Variants in SIL1 observed in about 807,000 individuals in gnomAD.
SIL1 encodes the protein nucleotide exchange factor SIL1.
Under a neutral mutation model 49.1 loss-of-function variants are expected in SIL1, and 40 were observed. The ratio of observed to expected loss-of-function variants is 0.81; its 90% CI spans 0.63 to 1.06. SIL1 has a LOEUF of 1.06. Ranked by LOEUF, SIL1 falls within the 50% of genes least tolerant of loss-of-function variation. The pLI is 0.00. For missense variants in SIL1, 500 were observed against 572.6 expected, an observed-to-expected ratio of 0.87 and a Z score of 1.29; for synonymous variants, 253 against 250.8, an observed-to-expected ratio of 1.01 and a Z score of -0.08.
chr5:139,171,365 C>T (rs530843535), intron 1 of SIL1, among the ~76,000 whole-genome samples: 1 of 152,176 alleles, frequency 6.6e-6, no homozygotes, highest in Non-Finnish European at 1.5e-5. Context: ...AAGAAAAATT[C>T]TTCTGCCTTG....
intron 1 of SIL1, among the ~76,000 whole-genome samples, chr5:139,142,930 G>C (rs1348120199): frequency 1.3e-5 from 2 of 151,936 alleles, no homozygotes; most frequent in Non-Finnish European, 2.9e-5. Flanking sequence ...CACCACGCCT[G>C]GCTAATTTTT....
At chr5:139,141,135 T>C (rs1234555542) in intron 1 of SIL1, among the ~76,000 whole-genome samples, 1 of 152,162 alleles carries the variant, frequency 6.6e-6, no homozygotes. Context: ...CATAGGCCTA[T>C]AACTAGAATC....
chr5:139,068,967 T>A (rs1406474028), intron 3 of SIL1, among the ~76,000 whole-genome samples: 1 of 152,212 alleles, frequency 6.6e-6, no homozygotes, highest in East Asian at 1.9e-4. Context: ...AAATCAGAAA[T>A]GAGGTGCTAG....
intron 1 of SIL1, among the ~76,000 whole-genome samples, chr5:139,156,673 A>G (rs1751413082): frequency 6.6e-6 from 1 of 152,222 alleles, no homozygotes; most frequent in Non-Finnish European, 1.5e-5. Context: ...GGCCTTGAAG[A>G]CAGGAGTAAT....
At chr5:138,999,296 T>G (rs1767938385) in intron 7 of SIL1, among the ~76,000 whole-genome samples, 1 of 152,214 alleles carries the variant, frequency 6.6e-6, no homozygotes, top group Non-Finnish European at 1.5e-5. Flanking sequence ...TTCCTAGGTA[T>G]TCTTCATAGC....
intron 6 of SIL1, among the ~76,000 whole-genome samples, chr5:139,026,552 G>C (rs770502210): frequency 2.6e-5 from 4 of 152,252 alleles, no homozygotes; most frequent in African/African-American, 9.6e-5. Flanking sequence ...GCAGTGAGCC[G>C]AGATCGCGCC....
chr5:139,113,158 G>A (rs925619678), intron 3 of SIL1, among the ~76,000 whole-genome samples: 36 of 152,028 alleles, frequency 2.4e-4, no homozygotes, highest in Non-Finnish European at 4.6e-4. Context: ...CACAAACACT[G>A]CGGAAGGCCG....
At chr5:139,178,572 C>G (rs1751927394) in intron 1 of SIL1, among the ~76,000 whole-genome samples, 1 of 152,062 alleles carries the variant, frequency 6.6e-6, no homozygotes, top group Admixed American at 6.6e-5. Context: ...TTTGCAAATC[C>G]AGGCCCTCAG....
chr5:138,983,664 A>C (rs948787540), intron 7 of SIL1, among the ~76,000 whole-genome samples: 2 of 151,816 alleles, frequency 1.3e-5, no homozygotes, highest in Non-Finnish European at 2.9e-5. Context: ...CACCCACTCT[A>C]CCCTGCCCGG....
At chr5:139,143,330 C>CATATATATATATATATAT (rs1213045532) in intron 1 of SIL1, among the ~76,000 whole-genome samples, 2 of 95,900 alleles carry the variant, frequency 2.1e-5, no homozygotes, top group African/African-American at 7.6e-5. Flanking sequence ...CACACACACA[C>CATATATATATATATATAT]ACACACACAC....
At chr5:139,166,949 C>A (rs1302745272) in intron 1 of SIL1, among the ~76,000 whole-genome samples, 3 of 152,176 alleles carry the variant, frequency 2.0e-5, no homozygotes, top group Non-Finnish European at 2.9e-5. Context: ...GCTGGGAATA[C>A]AGGCACCCAC....
intron 5 of SIL1, among the ~76,000 whole-genome samples, chr5:139,037,297 C>T (rs1297691854): frequency 6.6e-6 from 1 of 152,110 alleles, no homozygotes; most frequent in Non-Finnish European, 1.5e-5. Context: ...TGTGATGTAT[C>T]TTGGTGTTGA....
intron 1 of SIL1, among the ~76,000 whole-genome samples, chr5:139,181,900 T>TA (rs1219019698): frequency 6.6e-6 from 1 of 152,210 alleles, no homozygotes; most frequent in Non-Finnish European, 1.5e-5. Context: ...AAGGCTTCAC[T>TA]AAAAAATGAT....
chr5:139,048,107 T>C (rs1193025136), intron 4 of SIL1, among the ~76,000 whole-genome samples: 1 of 152,158 alleles, frequency 6.6e-6, no homozygotes, highest in South Asian at 2.1e-4. Flanking sequence ...ATAAAATTCC[T>C]CAGTATTATT....
chr5:139,182,605 C>T (rs907360675), intron 1 of SIL1, among the ~76,000 whole-genome samples: 5 of 152,152 alleles, frequency 3.3e-5, no homozygotes, highest in African/African-American at 1.2e-4. Flanking sequence ...ATCTCCAGTA[C>T]CTGGTGCCTT....
chr5:138,991,620 G>A (rs1353846710), intron 7 of SIL1, among the ~76,000 whole-genome samples: 3 of 152,234 alleles, frequency 2.0e-5, no homozygotes, highest in Non-Finnish European at 2.9e-5. Context: ...AGGGTACAGG[G>A]TCGATATTTC....
chr5:139,095,415 C>G (rs767142831), intron 3 of SIL1, among the ~76,000 whole-genome samples: 1 of 152,086 alleles, frequency 6.6e-6, no homozygotes, highest in Admixed American at 6.5e-5. Flanking sequence ...GCGTGCGCCA[C>G]CATACCCAGC....
At chr5:139,190,419 T>C (rs955691113) in intron 1 of SIL1, among the ~76,000 whole-genome samples, 12 of 152,236 alleles carry the variant, frequency 7.9e-5, no homozygotes, top group African/African-American at 2.6e-4. Context: ...ACCATGAGGG[T>C]ATAAGATCAT....
intron 7 of SIL1, among the ~76,000 whole-genome samples, chr5:138,972,308 G>A (rs1767297414): frequency 6.6e-6 from 1 of 152,222 alleles, no homozygotes. Flanking sequence ...TAGAAATGCA[G>A]AAAGACAAAG....
Sources: allele counts gnomAD v4.1 joint callset (sites outside exome capture counted in the v4.1 genomes callset), GRCh38; gene constraint gnomAD v4.1.1; transcripts MANE v1.5; gene names NCBI Gene and HGNC (gene_info 2026-07-23, HGNC 2026-07-21).